NUTM1: variants seen among roughly 807,000 people sequenced by gnomAD.
NUTM1 encodes the protein NUT midline carcinoma family member 1, also known as NUT family member 1.
In NUTM1, 39 loss-of-function variants were observed where a neutral mutation model predicts 88.7. That is an observed-to-expected ratio of 0.44 (90% CI 0.34 to 0.57). NUTM1 has a LOEUF of 0.57. Ranked by LOEUF, NUTM1 falls within the 20% of genes least tolerant of loss-of-function variation. The pLI is 0.01. For missense variants in NUTM1, 1,350 were observed against 1,414.5 expected (o/e 0.95, Z 0.73); for synonymous variants, 494 against 538.0 (o/e 0.92, Z 1.13).
At chr15:34,344,779 G>C (rs979660201) in intron 1 of NUTM1, among the ~76,000 whole-genome samples, 3 of 152,156 alleles carry the variant, frequency 2.0e-5, no homozygotes, top group Non-Finnish European at 2.9e-5. Flanking sequence ...AGCACTTTGG[G>C]AGGCTGAGGC....
intron 1 of NUTM1, among the ~76,000 whole-genome samples, chr15:34,344,706 G>A (rs1890553273): frequency 6.6e-6 from 1 of 151,846 alleles, no homozygotes; most frequent in African/African-American, 2.4e-5. Flanking sequence ...CCTTGCTAAT[G>A]TATTTATTAC....
intron 2 of NUTM1, among the ~76,000 whole-genome samples, chr15:34,346,293 T>A (rs1412600265): frequency 1.3e-5 from 2 of 152,038 alleles, no homozygotes; most frequent in African/African-American, 4.8e-5. Context: ...TTGATTCTCT[T>A]GAACAGGGGA....
intron 4 of NUTM1, among the ~76,000 whole-genome samples, chr15:34,351,381 CAAA>C (rs541718460): frequency 2.5e-5 from 2 of 80,960 alleles, no homozygotes; most frequent in Non-Finnish European, 2.5e-5. Context: ...GACCTCATCA[CAAA>C]AAAAAAAAAA....
rs370054299 is a variant in NUTM1, at chr15:34,348,142, T to C, written c.274T>C (p.Ser92Pro). ...CTCTCCAGACAACCCTCTGATGCTC[T>C]CTGCTTTCCCCAGCTCACTGTTGGT... is the stretch of plus-strand genomic sequence containing the variant. ...VFSPDNPLML[S>P]AFPSSLLVTG... Residue 92 changes from serine (S) to proline (P), a missense_variant, in exon 3 of 8, where the codon TCT (serine) becomes CCT (proline). Physicochemically the swap from Ser to Pro is moderately conservative, Grantham distance 74. This residue lies in a region of NUTM1 where 399 missense variants were observed against 397.9 expected (regional missense o/e 1.00). Transcript: ENST00000537011. 27 of 1,614,196 alleles carry C rather than the reference T, an allele frequency of 1.7e-5. No individual in the cohort carries two copies. Among genetic ancestry groups the C allele is most frequent in the Non-Finnish European group, 1.8e-5 (21 of 1,180,034 alleles).
intron 4 of NUTM1, among the ~76,000 whole-genome samples, chr15:34,351,520 T>TC (rs909172643): frequency 2.0e-5 from 3 of 151,932 alleles, no homozygotes; most frequent in African/African-American, 7.3e-5. Context: ...TCTTGAAAGC[T>TC]CCCCCCTCAC....
chr15:34,348,412 G>A lies in NUTM1; in HGVS notation c.544G>A (p.Gly182Ser). 1 of 1,614,142 alleles carries A rather than the reference G, an allele frequency of 6.2e-7. No homozygotes were observed. Among genetic ancestry groups the A allele is most frequent in the Non-Finnish European group, 8.5e-7 (1 of 1,180,004 alleles). The change falls in exon 3 of 8, where the codon GGT becomes AGT. Residue 182 changes from glycine (G) to serine (S), a missense_variant. Gly to Ser is a moderately conservative substitution (Grantham distance 56). Transcript: ENST00000537011. The part of the protein sequence containing the change: ...PSKAVGVSQE[G>S]PPGLPPQPPP... ...TAAGGCTGTTGGTGTCAGCCAGGAGGGTCCTCCAGGCCTTCCGCCTCAGCC... is the reference window on the plus strand; with the variant it reads ...TAAGGCTGTTGGTGTCAGCCAGGAGAGTCCTCCAGGCCTTCCGCCTCAGCC...
At chr15:34,353,021 G>A (rs1371045679) in intron 4 of NUTM1, among the ~76,000 whole-genome samples, 1 of 150,204 alleles carries the variant, frequency 6.7e-6, no homozygotes, top group African/African-American at 2.4e-5. Context: ...GAGTAGCTGG[G>A]ATTACAGGCA....
In NUTM1 at chr15:34,357,004, G is replaced by A. The variant is rs759761319; in HGVS notation, c.2996G>A (p.Gly999Glu). Reference protein sequence around the residue: ...PKATSSHQGLGSTLPRRGTRN... With the variant: ...PKATSSHQGLESTLPRRGTRN... ...GCAACATCTTCTCACCAGGGCCTTG[G>A]AAGCACTTTGCCTAGAAGGGGAACC... The change falls in exon 8 of 8, where the codon GGA (glycine) becomes GAA (glutamate). Residue 999 changes from glycine (G) to glutamate (E), a missense_variant. By Grantham distance (98) the Gly-to-Glu change is moderately conservative. This residue lies in a region of NUTM1 where 730 missense variants were observed against 728.8 expected (regional missense o/e 1.00). Transcript: ENST00000537011. 33 of 1,613,830 alleles carry A rather than the reference G, an allele frequency of 2.0e-5. No homozygotes were observed. Among genetic ancestry groups the A allele is most frequent in the Non-Finnish European group, 2.5e-5 (29 of 1,180,022 alleles).
intron 3 of NUTM1, 141 bp from the exon 4 acceptor site, chr15:34,350,563 C>A: frequency 1.1e-6 from 1 of 904,358 alleles, no homozygotes; most frequent in Non-Finnish European, 1.6e-6. Context: ...GTCTGTAAGT[C>A]TAATCAGAAG....
In NUTM1 at chr15:34,348,075, A is replaced by G. The variant is rs1890633943; in HGVS notation, c.207A>G (p.Pro69=). The change falls in exon 3 of 8, where the codon CCA becomes CCG. Residue 69 remains proline, a synonymous_variant. Transcript: ENST00000537011. Reference sequence around the variant, plus strand: ...CAACTTCTGACCCACCAGACCACCCACCCAGGGAGCCACCTCCACAGCCCA... The same window carrying G: ...CAACTTCTGACCCACCAGACCACCCGCCCAGGGAGCCACCTCCACAGCCCA... ...LPPTSDPPDH[P]PREPPPQPIM... The G allele has an allele frequency of 2.5e-6, 4 of 1,613,652 alleles. No individual in the cohort carries two copies. The highest frequency in any genetic ancestry group is 1.7e-5 in the Admixed American group (1 of 59,984).
In NUTM1 at chr15:34,357,131, G is replaced by A. The variant is rs145295391; in HGVS notation, c.3123G>A (p.Glu1041=). 1 of 1,614,190 alleles carries A rather than the reference G, an allele frequency of 6.2e-7. No homozygotes were observed. The highest frequency in any genetic ancestry group is 1.3e-5 in the African/African-American group (1 of 75,050). The change falls in exon 8 of 8, where the codon GAG becomes GAA. Residue 1041 remains glutamate, a synonymous_variant. Coordinates refer to ENST00000537011, the MANE Select transcript of NUTM1 (RefSeq NM_001284292.2). The part of the protein sequence containing the change: ...KEKKKKEAEE[E]DEELSNFAYL... Reference sequence around the variant, plus strand: ...AAAAGAAAAAGGAAGCAGAGGAAGAGGATGAGGAACTCTCCAACTTTGCTT... The same window carrying A: ...AAAAGAAAAAGGAAGCAGAGGAAGAAGATGAGGAACTCTCCAACTTTGCTT...
Position 34,350,697 on chromosome 15 carries a change from GT to G in NUTM1, c.810-3del, listed in dbSNP as rs1566888970. 1.9e-6 allele frequency: 3 copies of G among 1,611,070 alleles called. No homozygotes were observed. In the South Asian group the frequency reaches 3.3e-5, roughly 18 times the overall value. On this transcript the variant is annotated splice_polypyrimidine_tract_variant and splice_region_variant and intron_variant, in intron 3 of 7. Transcript: ENST00000537011. ...TTAGAATGTGACTGACTCAATGGGGGTTTTAGCCCAGTGCTTCGTTCCCTGG... is the reference window on the plus strand; with the variant it reads ...TTAGAATGTGACTGACTCAATGGGGGTTTAGCCCAGTGCTTCGTTCCCTGG...
chr15:34,343,731 T>C, intron 1 of NUTM1, 29 bp downstream of exon 1: 1 of 1,530,966 alleles, frequency 6.5e-7, no homozygotes, highest in South Asian at 1.2e-5. Context: ...CGTAATAAAG[T>C]GCACCTTCTA....
chr15:34,350,821 G>A lies in NUTM1; in HGVS notation c.927G>A (p.Glu309=), dbSNP rs1890691240. 2.5e-6 allele frequency: 4 copies of A among 1,614,052 alleles called. No homozygotes were observed. The South Asian group carries it at 4.4e-5, about 18-fold the overall frequency. The stretch of plus-strand genomic sequence containing the variant: ...ACTTTGACCGGATGATCTTTTATGA[G>A]ATGGCAGAAAGGTGAGTTCGATGAA... ...TSNFDRMIFY[E]MAERFMEFEA... is the part of the protein sequence containing the mutation. The change falls in exon 4 of 8, where the codon GAG becomes GAA. Residue 309 remains glutamate, a synonymous_variant. Coordinates refer to ENST00000537011, the MANE Select transcript of NUTM1 (RefSeq NM_001284292.2).
rs1890521464 is a variant in NUTM1 at position 34,343,358 on chromosome 15, G to T, written c.-339G>T. 6.6e-6 allele frequency: 4 copies of T among 608,052 alleles called. No individual in the cohort carries two copies. Among genetic ancestry groups the T allele is most frequent in the Non-Finnish European group, 1.2e-5 (4 of 343,360 alleles). The allele number at this position is 608,052 out of a possible 1,614,324, so 37.7% of individuals were successfully genotyped here. Reference sequence around the variant, plus strand: ...ACGGCGTTAGAGGGGGGTAGGGATGGATGTGGATAGAATATTGACGTATAG... The same window carrying T: ...ACGGCGTTAGAGGGGGGTAGGGATGTATGTGGATAGAATATTGACGTATAG... On this transcript the variant is annotated 5_prime_UTR_variant, in exon 1 of 8. Coordinates refer to ENST00000537011, the MANE Select transcript of NUTM1 (RefSeq NM_001284292.2).
chr15:34,353,964 A>G, intron 5 of NUTM1, 92 bp downstream of exon 5: 2 of 1,382,694 alleles, frequency 1.4e-6, no homozygotes, highest in Non-Finnish European at 2.0e-6. Context: ...GGCATAGCCC[A>G]GGCTCTGCCA....
At chr15:34,350,070 C>T (rs1192171506) in intron 3 of NUTM1, among the ~76,000 whole-genome samples, 1 of 152,136 alleles carries the variant, frequency 6.6e-6, no homozygotes, top group Non-Finnish European at 1.5e-5. Flanking sequence ...GATTCTGATG[C>T]CCAATAATGT....
In NUTM1 at chr15:34,356,821, G is replaced by T; in HGVS notation, c.2813G>T (p.Cys938Phe). The change falls in exon 8 of 8, where the codon TGT (cysteine) becomes TTT (phenylalanine). Residue 938 changes from cysteine (C) to phenylalanine (F), a missense_variant. Around this residue, in one of 5 missense-constraint regions of NUTM1, gnomAD observed 730 missense variants for 728.8 expected, o/e 1.00. Coordinates refer to ENST00000537011, the MANE Select transcript of NUTM1 (RefSeq NM_001284292.2). ...AACATACTAGATGTTAAAGATGACT[G>T]TGGCCTCCAACTAAGGGTCAGCGAG... ...PVNILDVKDD[C>F]GLQLRVSEDT... is the part of the protein sequence containing the mutation. 1 of 1,612,226 alleles carries T rather than the reference G, an allele frequency of 6.2e-7. No homozygotes were observed. Among genetic ancestry groups the T allele is most frequent in the South Asian group, 1.1e-5 (1 of 90,922 alleles).
rs1890746995 is a variant in NUTM1 at position 34,353,621 on chromosome 15, AGACTTTGCCCACCTG to A, written c.939-114_939-100del. 13 of 1,267,262 alleles carry A rather than the reference AGACTTTGCCCACCTG, an allele frequency of 1.0e-5. No homozygotes were observed. In the South Asian group the frequency reaches 1.8e-4, roughly 17 times the overall value. The allele number at this position is 1,267,262 out of a possible 1,614,324, so 78.5% of individuals were successfully genotyped here. A position where few individuals can be genotyped will look rare whatever the true frequency, so the allele number is the denominator to read the frequency against. ...CCCTCCTGGGTGACATGACTTAGGCAGACTTTGCCCACCTGAGAGCACTTCCTTTCTTGGCCATGC... is the reference window on the plus strand; with the variant it reads ...CCCTCCTGGGTGACATGACTTAGGCAAGAGCACTTCCTTTCTTGGCCATGC... On this transcript the variant is annotated intron_variant, in intron 4 of 7. Transcript: ENST00000537011.
Sources: allele counts gnomAD v4.1 joint callset (sites outside exome capture counted in the v4.1 genomes callset), GRCh38; gene constraint gnomAD v4.1.1; regional missense constraint gnomAD v4.1.1; transcripts MANE v1.5; gene names NCBI Gene and HGNC (gene_info 2026-07-23, HGNC 2026-07-21).